The following PLCL2 variants were observed in gnomAD, a reference collection of about 807,000 sequenced individuals.
PLCL2 encodes the protein phospholipase C like 2.
PLCL2 carries 4 observed loss-of-function variants against 79.6 expected under a neutral mutation model. The ratio of observed to expected loss-of-function variants is 0.05; its 90% confidence interval spans 0.02 to 0.11. The LOEUF (loss-of-function observed/expected upper bound fraction) is 0.11. Among genes scored for constraint, PLCL2 ranks in the 10% least tolerant of loss-of-function variants. PLCL2 has a pLI of 1.00. For synonymous variants in PLCL2, 484 were observed against 457.7 expected (o/e 1.06, Z -0.73); for missense variants, 895 against 1,291.0 (o/e 0.69, Z 4.70).
At chr3:17,042,339 T>C (rs188356588) in intron 3 of PLCL2, among the ~76,000 whole-genome samples, 1 of 152,308 alleles carries the variant, frequency 6.6e-6, no homozygotes, top group African/African-American at 2.4e-5. Context: ...AAACCATTAA[T>C]AGGAACATAA....
chr3:17,071,750 C>A (rs940563864), intron 5 of PLCL2, among the ~76,000 whole-genome samples: 1 of 152,038 alleles, frequency 6.6e-6, no homozygotes, highest in African/African-American at 2.4e-5. Context: ...CTTAGTGCTA[C>A]ATAAAATACT....
intron 1 of PLCL2, among the ~76,000 whole-genome samples, chr3:16,950,553 C>G (rs1245404363): frequency 6.7e-6 from 1 of 150,022 alleles, no homozygotes; most frequent in Non-Finnish European, 1.5e-5. Flanking sequence ...GTGTTTATTG[C>G]TAATATTTGT....
intron 5 of PLCL2, 76 bp downstream of exon 5, chr3:17,068,141 T>G: frequency 1.3e-6 from 1 of 791,970 alleles, no homozygotes; most frequent in Admixed American, 1.9e-5. Context: ...AGTATAACAT[T>G]TCCTGCATTG....
At chr3:16,895,978 T>C (rs551488101) in intron 1 of PLCL2, among the ~76,000 whole-genome samples, 1 of 152,358 alleles carries the variant, frequency 6.6e-6, no homozygotes, top group South Asian at 2.1e-4. Context: ...AGGGTCCTAC[T>C]GGGTGCCAGT....
At chr3:17,065,323 T>C (rs1286690730) in intron 4 of PLCL2, among the ~76,000 whole-genome samples, 2 of 152,184 alleles carry the variant, frequency 1.3e-5, no homozygotes, top group Non-Finnish European at 1.5e-5. Flanking sequence ...TTTTTATCCT[T>C]TCAACTCTGT....
chr3:17,029,753 A>G (rs1359643204), intron 3 of PLCL2, among the ~76,000 whole-genome samples: 1 of 152,124 alleles, frequency 6.6e-6, no homozygotes, highest in Non-Finnish European at 1.5e-5. Context: ...CTGGTGAGTG[A>G]GCCAAAACAC....
chr3:16,920,441 G>C (rs561986898), intron 1 of PLCL2, among the ~76,000 whole-genome samples: 1 of 152,120 alleles, frequency 6.6e-6, no homozygotes, highest in South Asian at 2.1e-4. Flanking sequence ...ATTTATAAAA[G>C]TTAATTTTAT....
At chr3:16,952,869 C>T (rs1025648115) in intron 1 of PLCL2, among the ~76,000 whole-genome samples, 2 of 151,892 alleles carry the variant, frequency 1.3e-5, no homozygotes, top group Admixed American at 1.3e-4. Context: ...TTGCAACTTA[C>T]CGAGGGCAGC....
chr3:16,941,762 T>TG (rs1374423933), intron 1 of PLCL2, among the ~76,000 whole-genome samples: 1 of 152,100 alleles, frequency 6.6e-6, no homozygotes, highest in Non-Finnish European at 1.5e-5. Flanking sequence ...CCATTTTTTT[T>TG]AAGTTAAATA....
At chr3:17,023,598 C>A (rs2064479475) in intron 3 of PLCL2, among the ~76,000 whole-genome samples, 1 of 152,160 alleles carries the variant, frequency 6.6e-6, no homozygotes. Context: ...TGTGAGACCT[C>A]CCCAGCCATG....
At chr3:17,077,108 C>T (rs1479603480) in intron 5 of PLCL2, among the ~76,000 whole-genome samples, 39 of 152,220 alleles carry the variant, frequency 2.6e-4, no homozygotes, top group Non-Finnish European at 1.5e-4. Flanking sequence ...CTGCTGGGCT[C>T]TGTTTGAGTT....
At chr3:17,072,421 C>A (rs944347101) in intron 5 of PLCL2, among the ~76,000 whole-genome samples, 1 of 152,058 alleles carries the variant, frequency 6.6e-6, no homozygotes, top group Admixed American at 6.5e-5. Flanking sequence ...GTAATCCCAG[C>A]ACTTTGGGAG....
chr3:16,993,788 C>T (rs2064126665), intron 1 of PLCL2, among the ~76,000 whole-genome samples: 1 of 152,154 alleles, frequency 6.6e-6, no homozygotes, highest in African/African-American at 2.4e-5. Flanking sequence ...ATGCAAGGCC[C>T]TTCCAGTTCC....
At chr3:16,900,722 A>G (rs1423249250) in intron 1 of PLCL2, among the ~76,000 whole-genome samples, 3 of 152,190 alleles carry the variant, frequency 2.0e-5, no homozygotes, top group Non-Finnish European at 4.4e-5. Flanking sequence ...CGTTCGGTGG[A>G]CATCATCAGT....
intron 1 of PLCL2, among the ~76,000 whole-genome samples, chr3:17,007,411 A>G (rs2064273405): frequency 6.6e-6 from 1 of 152,242 alleles, no homozygotes; most frequent in African/African-American, 2.4e-5. Context: ...GATGTAATAC[A>G]ATCTATGCTT....
intron 1 of PLCL2, among the ~76,000 whole-genome samples, chr3:17,002,953 T>A (rs1012694802): frequency 2.6e-5 from 4 of 152,126 alleles, no homozygotes; most frequent in African/African-American, 9.7e-5. Flanking sequence ...TTGGACCATA[T>A]TTTATAATTC....
chr3:16,993,814 T>C (rs2064126941), intron 1 of PLCL2, among the ~76,000 whole-genome samples: 1 of 152,240 alleles, frequency 6.6e-6, no homozygotes, highest in Non-Finnish European at 1.5e-5. Flanking sequence ...TCAAAACTAC[T>C]ACGCAGTGTG....
chr3:17,081,788 C>A (rs2065164799), intron 5 of PLCL2, among the ~76,000 whole-genome samples: 1 of 152,222 alleles, frequency 6.6e-6, no homozygotes, highest in Non-Finnish European at 1.5e-5. Flanking sequence ...GCCAGACTCG[C>A]AGCAAGAGCT....
intron 4 of PLCL2, among the ~76,000 whole-genome samples, chr3:17,057,537 T>C (rs1429870099): frequency 6.6e-6 from 1 of 152,194 alleles, no homozygotes; most frequent in Non-Finnish European, 1.5e-5. Flanking sequence ...GAGATCACAG[T>C]AGGATGCTCA....
Sources: allele counts gnomAD v4.1 joint callset (sites outside exome capture counted in the v4.1 genomes callset), GRCh38; gene constraint gnomAD v4.1.1; transcripts MANE v1.5; gene names NCBI Gene and HGNC (gene_info 2026-07-23, HGNC 2026-07-21).